The following FAT2 variants were observed in gnomAD, a reference collection of about 807,000 sequenced individuals.
The protein encoded by FAT2 is protocadherin Fat 2.
Under a neutral mutation model 295.3 loss-of-function variants are expected in FAT2, and 150 were observed. The observed-to-expected ratio is 0.51, with a 90% CI of 0.44 to 0.58. FAT2 has a LOEUF of 0.58. FAT2 is among the 20% of genes least tolerant of loss of function. The probability of loss-of-function intolerance (pLI) is 0.00; values close to 1 mark genes in which losing one functional copy is unlikely to be tolerated. For missense variants in FAT2, 4,868 were observed against 5,442.7 expected, an observed-to-expected ratio of 0.89 and a Z score of 3.32; for synonymous variants, 2,026 against 2,150.3, an observed-to-expected ratio of 0.94 and a Z score of 1.60.
In FAT2 at chr5:151,545,208, G is replaced by A. The variant is rs998076; in HGVS notation, c.5919C>T (p.Tyr1973=). The change falls in exon 10 of 24, where the codon TAC becomes TAT. Residue 1973 remains tyrosine (Y), a synonymous_variant. Coordinates refer to ENST00000261800, the MANE Select transcript of FAT2 (RefSeq NM_001447.3). The part of the protein sequence containing the change: ...DKSLQFDQDV[Y]WAAVKENLQD... The stretch of plus-strand genomic sequence containing the variant: ...GCAAGTTCTCCTTCACAGCTGCCCA[G>A]TAGACATCCTGATCAAACTGCAAGC... 0.075 allele frequency: 121,418 copies of A among 1,614,058 alleles called. 5,077 individuals carry two copies. Among genetic ancestry groups the A allele is most frequent in the African/African-American group, 0.15 (11,480 of 74,994 alleles).
In FAT2 at chr5:151,507,253, C is replaced by A; in HGVS notation, c.12418G>T (p.Val4140Leu). The change falls in exon 23 of 24, where the codon GTG becomes TTG. Residue 4140 changes from valine to leucine, a missense_variant. Physicochemically the swap from Val to Leu is conservative, Grantham distance 32. Around this residue, in one of 5 missense-constraint regions of FAT2, gnomAD observed 492 missense variants for 482.6 expected, o/e 1.02. Transcript: ENST00000261800. Reference protein sequence around the residue: ...TFGPNSKQRPVVCSVPPRLPP... With the variant: ...TFGPNSKQRPLVCSVPPRLPP... ...AGTCTGGGGGGCACACTGCAGACCA[C>A]TGGCCGTTGCTTAGAATTGGGTCCA... 1 of 1,614,192 alleles carries A rather than the reference C, an allele frequency of 6.2e-7. No homozygotes were observed. The highest frequency in any genetic ancestry group is 8.5e-7 in the Non-Finnish European group (1 of 1,180,024).
chr5:151,513,989 T>C (rs72798334), intron 20 of FAT2, among the ~76,000 whole-genome samples: 24,481 of 152,098 alleles, frequency 0.16, 2,283 homozygotes, highest in Non-Finnish European at 0.2. Context: ...TTTAATTCAC[T>C]TCATTCCCAA....
intron 14 of FAT2, among the ~76,000 whole-genome samples, chr5:151,530,281 T>C (rs1202079461): frequency 1.3e-5 from 2 of 150,622 alleles, no homozygotes; most frequent in Non-Finnish European, 2.9e-5. Context: ...TTAGCTCTTA[T>C]GTGCGTCCAG....
chr5:151,584,994 A>G (rs1759115968), intron 1 of FAT2, among the ~76,000 whole-genome samples: 1 of 152,246 alleles, frequency 6.6e-6, no homozygotes, highest in African/African-American at 2.4e-5. Flanking sequence ...AGCCCCAGAC[A>G]TTTGGGAAAC....
intron 12 of FAT2, among the ~76,000 whole-genome samples, chr5:151,536,759 T>C (rs1007967288): frequency 5.9e-5 from 9 of 152,210 alleles, no homozygotes; most frequent in Admixed American, 1.3e-4. Flanking sequence ...TGAGGTGTTA[T>C]CCCTGGTTTG....
At chr5:151,582,619 G>T (rs1759004292) in intron 1 of FAT2, among the ~76,000 whole-genome samples, 1 of 152,150 alleles carries the variant, frequency 6.6e-6, no homozygotes, top group African/African-American at 2.4e-5. Context: ...TCTCTACCAT[G>T]CCCCCTTTCA....
In FAT2 at chr5:151,504,144, A is replaced by G. The variant is rs1760666617; in HGVS notation, c.*1421T>C. 1 of 152,648 alleles carries G rather than the reference A, an allele frequency of 6.6e-6. No homozygotes were observed. The highest frequency in any genetic ancestry group is 2.1e-4 in the South Asian group (1 of 4,830). The allele number at this position is 152,648 out of a possible 1,614,324, so 9.5% of individuals were successfully genotyped here. On this transcript the variant is annotated 3_prime_UTR_variant, in exon 24 of 24. Transcript: ENST00000261800. ...TAAAAAAAAAATGACCAATGAAACT[A>G]TGTATCTGTCACTCACACTCACAGT...
In FAT2 at chr5:151,569,024, G is replaced by C. The variant is rs576523190; in HGVS notation, c.-20-73C>G. 9.3e-5 allele frequency: 132 copies of C among 1,412,308 alleles called. No homozygotes were observed. In the African/African-American group the frequency reaches 1.9e-3, roughly 20 times the overall value. The allele number at this position is 1,412,308 out of a possible 1,614,324, so 87.5% of individuals were successfully genotyped here. ...TTTCTACTGCTGTGATTCTTAACTGGAGGTGATTTTGACCCTCAAGGGACA... is the reference window on the plus strand; with the variant it reads ...TTTCTACTGCTGTGATTCTTAACTGCAGGTGATTTTGACCCTCAAGGGACA... On this transcript the variant is annotated intron_variant, in intron 1 of 23. Transcript: ENST00000261800.
rs531907672 is a variant in FAT2 at position 151,524,446 on chromosome 5, C to T, written c.10506+1322G>A. 8.0e-4 allele frequency among the ~76,000 whole-genome samples: 114 copies of T among 141,734 alleles called. No homozygotes were observed. In the East Asian group the frequency reaches 0.019, roughly 24 times the overall value. 93.0% of individuals were successfully genotyped at this position (141,734 alleles called of 152,430 possible). A position where few individuals can be genotyped will look rare whatever the true frequency, so the allele number is the denominator to read the frequency against. On this transcript the variant is annotated intron_variant, in intron 18 of 23. Transcript: ENST00000261800. ...CCCTTATGAGAAGGGCCATGTGATA[C>T]AATGAGAAGCCGACAGTCTGCCATT...
At chr5:151,532,887 T>C (rs1019143875) in intron 13 of FAT2, among the ~76,000 whole-genome samples, 1 of 152,056 alleles carries the variant, frequency 6.6e-6, no homozygotes, top group African/African-American at 2.4e-5. Context: ...GTGACAGGAG[T>C]AGCCTCTGAG....
Position 151,545,414 on chromosome 5 carries a change from A to T in FAT2, c.5713T>A (p.Tyr1905Asn), listed in dbSNP as rs949762821. 6 of 1,614,138 alleles carry T rather than the reference A, an allele frequency of 3.7e-6. No individual in the cohort carries two copies. Among genetic ancestry groups the T allele is most frequent in the Non-Finnish European group, 5.1e-6 (6 of 1,180,012 alleles). Residue 1905 changes from tyrosine (Y) to asparagine (N), a missense_variant, in exon 10 of 24, where the codon TAT becomes AAT. Around this residue, in one of 5 missense-constraint regions of FAT2, gnomAD observed 3,297 missense variants for 3,669.4 expected, o/e 0.90. Transcript: ENST00000261800. ...TCAGCATTGCCAGTTTTGATGCTAT[A>T]ATTGACTTCTGAGTCTTCATCGCTG... ...RASDEDSEVN[Y>N]SIKTGNADEA... is the part of the protein sequence containing the mutation.
At chr5:151,515,627 C>T (rs1752779602) in intron 20 of FAT2, among the ~76,000 whole-genome samples, 1 of 152,218 alleles carries the variant, frequency 6.6e-6, no homozygotes, top group South Asian at 2.1e-4. Flanking sequence ...CACTACTTGC[C>T]TTCTCTCCCA....
chr5:151,529,043 GA>G (rs759776883), intron 15 of FAT2, 134 bp downstream of exon 15: 1 of 716,938 alleles, frequency 1.4e-6, no homozygotes, highest in Non-Finnish European at 2.3e-6. Context: ...ATAAACCTCT[GA>G]CAAGTCAGAG....
rs538253017 is a variant in FAT2 at position 151,534,503 on chromosome 5, C to T, written c.9333G>A (p.Pro3111=). The change falls in exon 13 of 24, where the codon CCG becomes CCA. Residue 3111 remains proline, a synonymous_variant. Transcript: ENST00000261800. ...CAGCACAGTGGCTGGGGAAGAACCG[C>T]GGGGCATTGTCATTCACATCCTCCA... ...LHVEDVNDNA[P]RFFPSHCAVA... The T allele has an allele frequency of 8.7e-6, 14 of 1,614,084 alleles. No homozygotes were observed. The highest frequency in any genetic ancestry group is 2.2e-5 in the South Asian group (2 of 91,062).
intron 3 of FAT2, among the ~76,000 whole-genome samples, chr5:151,561,084 G>A (rs1757993444): frequency 6.6e-6 from 1 of 152,222 alleles, no homozygotes; most frequent in Non-Finnish European, 1.5e-5. Context: ...TATGATAAAT[G>A]TCGCAAAAAG....
At chr5:151,517,235 T>A (rs76766432) in intron 20 of FAT2, among the ~76,000 whole-genome samples, 1,760 of 152,342 alleles carry the variant, frequency 0.012, 27 homozygotes, top group African/African-American at 0.038. Flanking sequence ...AAAGGAAATT[T>A]ATTTTTCTTC....
chr5:151,546,384 T>TA (rs780237497), intron 9 of FAT2, 47 bp from the exon 10 acceptor site: 6 of 1,442,682 alleles, frequency 4.2e-6, no homozygotes, highest in Non-Finnish European at 4.8e-6. Flanking sequence ...CCTCGACAGG[T>TA]ATCAGCTAGG....
chr5:151,530,145 T>TGATGAAGA (rs556295858), intron 14 of FAT2, among the ~76,000 whole-genome samples: 46 of 152,118 alleles, frequency 3.0e-4, no homozygotes, highest in Non-Finnish European at 5.9e-4. Flanking sequence ...GAAGAAAGGC[T>TGATGAAGA]GATGAAGAAG....
rs2127571158 is a variant in FAT2 at position 151,512,726 on chromosome 5, T to C, written c.11464-120A>G. On this transcript the variant is annotated intron_variant, in intron 20 of 23. Coordinates refer to ENST00000261800, the MANE Select transcript of FAT2 (RefSeq NM_001447.3). The surrounding 1 kb of genome is among the most constrained non-coding windows in gnomAD (Gnocchi z 4.1). Reference sequence around the variant, plus strand: ...TATGGGTAGGAGGGGGGTGTTTGGCTGTTTTAGACATGGCATTTGCAGAGC... The same window carrying C: ...TATGGGTAGGAGGGGGGTGTTTGGCCGTTTTAGACATGGCATTTGCAGAGC... The C allele has an allele frequency of 1.1e-6, 1 of 905,804 alleles. No individual in the cohort carries two copies. The highest frequency in any genetic ancestry group is 2.6e-5 in the East Asian group (1 of 37,794). 56.1% of individuals were successfully genotyped at this position (905,804 alleles called of 1,614,324 possible).
Sources: allele counts gnomAD v4.1 joint callset (sites outside exome capture counted in the v4.1 genomes callset), GRCh38; gene constraint gnomAD v4.1.1; regional missense constraint gnomAD v4.1.1; non-coding constraint Gnocchi (gnomAD v3.1); transcripts MANE v1.5; gene names NCBI Gene and HGNC (gene_info 2026-07-23, HGNC 2026-07-21).